ZNF185: variants seen among roughly 807,000 people sequenced by gnomAD.
ZNF185 encodes the protein zinc finger protein 185 with LIM domain.
Under a neutral mutation model 58.6 loss-of-function variants are expected in ZNF185, and 56 were observed. The observed-to-expected ratio is 0.95, with a 90% confidence interval of 0.77 to 1.19. ZNF185 has a LOEUF of 1.19. ZNF185 is among the 50% of genes most tolerant of loss of function. The pLI, the probability that ZNF185 is intolerant of heterozygous loss-of-function variation, is 0.00. For synonymous variants in ZNF185, 230 were observed against 215.9 expected, an observed-to-expected ratio of 1.07 and a Z score of -0.57; for missense variants, 627 against 573.5, an observed-to-expected ratio of 1.09 and a Z score of -0.95.
At chrX:152,927,126 TG>T (rs1941009054) in intron 11 of ZNF185, among the ~76,000 whole-genome samples, 1 of 112,609 alleles carries the variant, frequency 8.9e-6, no homozygotes, top group East Asian at 2.8e-4. Context: ...ATGTTGTGCT[TG>T]CCTGTGACAT....
chrX:152,940,048 G>A (rs1375851357), intron 15 of ZNF185, among the ~76,000 whole-genome samples: 1 of 111,432 alleles, frequency 9.0e-6, no homozygotes, highest in Non-Finnish European at 1.9e-5. Flanking sequence ...CTCCCAAATT[G>A]CTGGGATTAC....
chrX:152,936,902 TTAGAG>T (rs2046357884), intron 14 of ZNF185, among the ~76,000 whole-genome samples: 2 of 110,121 alleles, frequency 1.8e-5, no homozygotes, highest in Non-Finnish European at 3.8e-5. Context: ...GCAGCCAGCA[TTAGAG>T]GGCTCAGTTC....
intron 15 of ZNF185, among the ~76,000 whole-genome samples, chrX:152,942,098 G>C (rs2047285572): frequency 1.1e-5 from 1 of 92,421 alleles, no homozygotes; most frequent in Admixed American, 1.1e-4. Context: ...GCTGGTCTGT[G>C]GGGCAGTGAG....
intron 15 of ZNF185, chrX:152,941,853 G>T (rs1432487812): frequency 8.8e-7 from 1 of 1,138,589 alleles, no homozygotes; most frequent in South Asian, 2.0e-5. Context: ...GCCGCGGCCA[G>T]AGTGGCTTTG....
chrX:152,927,404 C>T (rs1251206815), intron 11 of ZNF185, among the ~76,000 whole-genome samples: 1 of 111,342 alleles, frequency 9.0e-6, no homozygotes, highest in Non-Finnish European at 1.9e-5. Context: ...AGATGAGCAG[C>T]CCGCTGACCC....
At chrX:152,924,879 T>C (rs782746228) in intron 11 of ZNF185, among the ~76,000 whole-genome samples, 1 of 112,246 alleles carries the variant, frequency 8.9e-6, no homozygotes, top group East Asian at 2.9e-4. Flanking sequence ...GAGACGGGTT[T>C]CACCATATTG....
upstream of ZNF185, among the ~76,000 whole-genome samples, chrX:152,910,283 G>A (rs1435152535): frequency 1.8e-5 from 2 of 112,094 alleles, no homozygotes; most frequent in Non-Finnish European, 3.8e-5. Context: ...GTAAACCACC[G>A]TCGGGCTCAT....
exon 19 of ZNF185, chrX:152,965,510 A>G: frequency 8.4e-7 from 1 of 1,186,719 alleles, no homozygotes; most frequent in South Asian, 1.9e-5. Flanking sequence ...GGAAGCCAGT[A>G]TCTGCACGCT....
At chrX:152,970,328 G>A (rs2050556079) in intron 21 of ZNF185, 115 bp from the exon 24 acceptor site, 16 of 568,931 alleles carry the variant, frequency 2.8e-5, no homozygotes, top group Non-Finnish European at 4.7e-5. Context: ...GGTCCAGGAT[G>A]TGCCACGGGC....
intron 19 of ZNF185, 84 bp downstream of exon 21, chrX:152,965,611 C>T: frequency 4.6e-6 from 4 of 873,598 alleles, no homozygotes; most frequent in Non-Finnish European, 4.9e-6. Flanking sequence ...AGTTCCTTGT[C>T]CAGGACTTGG....
At chrX:152,901,348 G>T in the ZNF185 span, among the ~76,000 whole-genome samples, 6 of 109,006 alleles carry the variant, frequency 5.5e-5, no homozygotes, top group African/African-American at 2.0e-4. Context: ...CAACTCCTGG[G>T]CTCAAGCGAT....
intron 3 of ZNF185, 62 bp from the exon 5 acceptor site, chrX:152,917,069 G>C (rs1396748199): frequency 2.3e-5 from 27 of 1,197,660 alleles, no homozygotes; most frequent in Non-Finnish European, 2.8e-5. Flanking sequence ...GCAGGATAAA[G>C]TAGGATGACC....
At chrX:152,941,801 G>A in intron 15 of ZNF185, 3 of 1,160,905 alleles carry the variant, frequency 2.6e-6, no homozygotes, top group Non-Finnish European at 2.3e-6. Context: ...TCACGAATGG[G>A]CCCGAGGAGC....
intron 6 of ZNF185, among the ~76,000 whole-genome samples, chrX:152,918,524 G>C (rs1939008061): frequency 8.9e-6 from 1 of 112,994 alleles, no homozygotes; most frequent in African/African-American, 3.2e-5. Flanking sequence ...GGCTGCACTG[G>C]GCTGGGGGCC....
At chrX:152,907,166 G>C in the ZNF185 span, among the ~76,000 whole-genome samples, 1 of 111,707 alleles carries the variant, frequency 9.0e-6, no homozygotes, top group Admixed American at 9.5e-5. Flanking sequence ...TGCCGCTCCC[G>C]TCTGTGTCCA....
At chrX:152,913,380 C>T (rs1156733844), upstream of ZNF185, among the ~76,000 whole-genome samples, 2 of 112,246 alleles carry the variant, frequency 1.8e-5, no homozygotes, top group African/African-American at 6.5e-5. Flanking sequence ...TCACCCTGGG[C>T]CCTTCTCCGG....
chrX:152,942,037 A>C (rs182025960), intron 15 of ZNF185, among the ~76,000 whole-genome samples: 4 of 112,007 alleles, frequency 3.6e-5, no homozygotes, highest in Admixed American at 9.3e-5. Context: ...ACGTGCAGAC[A>C]GGGAAGGCAG....
chrX:152,932,957 C>T, exon 14 of ZNF185: 1 of 1,196,656 alleles, frequency 8.4e-7, no homozygotes, highest in Non-Finnish European at 1.1e-6. Context: ...TAGACATCGG[C>T]TCCGAGAGAG....
intron 11 of ZNF185, among the ~76,000 whole-genome samples, chrX:152,928,157 T>G (rs1407195401): frequency 8.9e-6 from 1 of 112,011 alleles, no homozygotes; most frequent in Non-Finnish European, 1.9e-5. Flanking sequence ...CATTCCATAT[T>G]TGGTCTGTGG....
Sources: allele counts gnomAD v4.1 joint callset (sites outside exome capture counted in the v4.1 genomes callset), GRCh38; gene constraint gnomAD v4.1.1; transcripts MANE v1.5; gene names NCBI Gene and HGNC (gene_info 2026-07-23, HGNC 2026-07-21).